The following DIPK1A variants were observed in gnomAD, a reference collection of about 807,000 sequenced individuals.
DIPK1A encodes the protein divergent protein kinase domain 1A, also known as family with sequence similarity 69 member A.
DIPK1A carries 27 observed loss-of-function variants against 40.8 expected under a neutral mutation model. The ratio of observed to expected loss-of-function variants is 0.66; its 90% CI spans 0.49 to 0.91. The LOEUF (loss-of-function observed/expected upper bound fraction) is 0.91. Among genes scored for constraint, DIPK1A ranks in the 40% least tolerant of loss-of-function variants. The probability of loss-of-function intolerance (pLI) is 0.00; values close to 1 mark genes in which losing one functional copy is unlikely to be tolerated. For synonymous variants in DIPK1A, 166 were observed against 171.3 expected (o/e 0.97, Z 0.24); for missense variants, 412 against 505.7 (o/e 0.81, Z 1.78).
At chr1:92,891,486 T>C (rs1199029600) in intron 1 of DIPK1A, among the ~76,000 whole-genome samples, 1 of 152,206 alleles carries the variant, frequency 6.6e-6, no homozygotes, top group Non-Finnish European at 1.5e-5. Flanking sequence ...TTATATTGTG[T>C]TTCTATTTTC....
chr1:92,844,244 A>G (rs1183239602), intron 4 of DIPK1A, 49 bp from the exon 5 acceptor site: 2 of 1,154,074 alleles, frequency 1.7e-6, no homozygotes, highest in East Asian at 2.6e-5. Flanking sequence ...AATACCTCCC[A>G]TGCAACATAC....
chr1:92,906,781 G>C (rs1037587462), intron 1 of DIPK1A, among the ~76,000 whole-genome samples: 2 of 152,100 alleles, frequency 1.3e-5, no homozygotes, highest in Non-Finnish European at 2.9e-5. Flanking sequence ...GAATTCCGTA[G>C]AGAATCTATG....
At chr1:92,863,427 A>C (rs1452814359) in intron 2 of DIPK1A, among the ~76,000 whole-genome samples, 1 of 152,142 alleles carries the variant, frequency 6.6e-6, no homozygotes, top group African/African-American at 2.4e-5. Flanking sequence ...GGCCACCAGA[A>C]GTGCTACTAT....
intron 1 of DIPK1A, among the ~76,000 whole-genome samples, chr1:92,944,199 G>C (rs1000197072): frequency 6.6e-6 from 1 of 151,972 alleles, no homozygotes; most frequent in African/African-American, 2.4e-5. Flanking sequence ...AAAAATAATA[G>C]AGAAGCTAGA....
chr1:92,960,632 C>T (rs1427884823), intron 1 of DIPK1A, among the ~76,000 whole-genome samples: 1 of 152,172 alleles, frequency 6.6e-6, no homozygotes, highest in Non-Finnish European at 1.5e-5. Flanking sequence ...AAAATTAACA[C>T]GCGAACCGTA....
intron 1 of DIPK1A, among the ~76,000 whole-genome samples, chr1:92,887,224 T>G (rs1324172929): frequency 3.4e-5 from 4 of 119,256 alleles, no homozygotes; most frequent in African/African-American, 1.3e-4. Flanking sequence ...TGAGACCAAC[T>G]AGAGAAACAT....
intron 2 of DIPK1A, among the ~76,000 whole-genome samples, chr1:92,858,153 G>T (rs1033348069): frequency 1.3e-5 from 2 of 152,282 alleles, no homozygotes; most frequent in South Asian, 4.1e-4. Context: ...CATGGGATCG[G>T]ACTTAAAGAG....
chr1:92,944,503 T>C (rs1651289297), intron 1 of DIPK1A, among the ~76,000 whole-genome samples: 1 of 152,212 alleles, frequency 6.6e-6, no homozygotes, highest in Non-Finnish European at 1.5e-5. Flanking sequence ...TAGCTTCTTG[T>C]CAGCAACAGG....
chr1:92,876,677 C>A (rs1379367742), intron 1 of DIPK1A, among the ~76,000 whole-genome samples: 3 of 152,150 alleles, frequency 2.0e-5, no homozygotes, highest in Non-Finnish European at 4.4e-5. Flanking sequence ...CTTTCAAATA[C>A]CACCATCATC....
chr1:92,916,816 T>C lies in DIPK1A; in HGVS notation c.55-40386A>G, dbSNP rs1049737998. Among the ~76,000 whole-genome samples, 3 of 152,204 alleles carry C rather than the reference T, an allele frequency of 2.0e-5. No individual in the cohort carries two copies. The East Asian group carries it at 5.8e-4, about 29-fold the overall frequency. On this transcript the variant is annotated intron_variant, in intron 1 of 4. Coordinates refer to ENST00000370310, the MANE Select transcript of DIPK1A (RefSeq NM_001006605.5). Reference sequence around the variant, plus strand: ...TCCATGAGAAGAAAGGGGCTCAGATTCCAGAGTTCTTCCTTCTTTTTGCTG... The same window carrying C: ...TCCATGAGAAGAAAGGGGCTCAGATCCCAGAGTTCTTCCTTCTTTTTGCTG...
chr1:92,885,469 C>T (rs554200717), intron 1 of DIPK1A, among the ~76,000 whole-genome samples: 2 of 152,244 alleles, frequency 1.3e-5, no homozygotes, highest in Admixed American at 6.5e-5. Flanking sequence ...GATTCTCCTA[C>T]CTCAGTCTCC....
chr1:92,950,585 A>T (rs11164843), intron 1 of DIPK1A, among the ~76,000 whole-genome samples: 2 of 152,012 alleles, frequency 1.3e-5, no homozygotes, highest in Non-Finnish European at 2.9e-5. Context: ...AATGAAGATG[A>T]GATGATGCAT....
chr1:92,855,611 G>A (rs1053624330), intron 2 of DIPK1A, among the ~76,000 whole-genome samples: 2 of 151,782 alleles, frequency 1.3e-5, no homozygotes, highest in African/African-American at 4.8e-5. Flanking sequence ...GGGTGAGGAA[G>A]GAGGATCCCT....
chr1:92,890,001 T>C (rs1292859724), intron 1 of DIPK1A, among the ~76,000 whole-genome samples: 2 of 152,192 alleles, frequency 1.3e-5, no homozygotes, highest in East Asian at 3.8e-4. Context: ...CAGTGTTTTA[T>C]AGTTTTCCTT....
chr1:92,839,404 T>G (rs1172663142), downstream of DIPK1A, among the ~76,000 whole-genome samples: 4 of 152,178 alleles, frequency 2.6e-5, no homozygotes, highest in Non-Finnish European at 5.9e-5. Context: ...GGTTGGCTTT[T>G]CAGGAAAACT....
intron 2 of DIPK1A, among the ~76,000 whole-genome samples, chr1:92,865,435 C>CAA (rs1310056349): frequency 2.0e-5 from 3 of 151,264 alleles, no homozygotes; most frequent in African/African-American, 7.3e-5. Context: ...GAAAAAAGCA[C>CAA]AAGTGAAAAA....
At chr1:92,936,386 G>A (rs1650945360) in intron 1 of DIPK1A, among the ~76,000 whole-genome samples, 2 of 152,146 alleles carry the variant, frequency 1.3e-5, no homozygotes, top group South Asian at 4.1e-4. Flanking sequence ...CCAACACTTT[G>A]GGAGGCCGAG....
intron 1 of DIPK1A, among the ~76,000 whole-genome samples, chr1:92,896,350 A>T (rs1418826092): frequency 6.6e-6 from 1 of 151,950 alleles, no homozygotes; most frequent in Non-Finnish European, 1.5e-5. Context: ...AAATAATGCC[A>T]CATATCTACA....
chr1:92,833,633 T>C, intron 4 of DIPK1A: 1 of 1,612,006 alleles, frequency 6.2e-7, no homozygotes, highest in Non-Finnish European at 8.5e-7. Context: ...TGATAGTTCG[T>C]GTGACAAACA....
Sources: allele counts gnomAD v4.1 joint callset (sites outside exome capture counted in the v4.1 genomes callset), GRCh38; gene constraint gnomAD v4.1.1; transcripts MANE v1.5; gene names NCBI Gene and HGNC (gene_info 2026-07-23, HGNC 2026-07-21).